Variants in KAT6A observed in about 807,000 individuals in gnomAD.
KAT6A encodes histone acetyltransferase KAT6A.
KAT6A carries 9 observed loss-of-function variants against 198.4 expected under a neutral mutation model. That is an observed-to-expected ratio of 0.05 (90% CI 0.03 to 0.08). KAT6A has a LOEUF of 0.08. Ranked by LOEUF, KAT6A falls within the 10% of genes least tolerant of loss-of-function variation. The pLI, the probability that KAT6A is intolerant of heterozygous loss-of-function variation, is 1.00. For synonymous variants in KAT6A, 890 were observed against 883.0 expected (o/e 1.01, Z -0.14); for missense variants, 2,077 against 2,509.9 (o/e 0.83, Z 3.69).
intron 3 of KAT6A, among the ~76,000 whole-genome samples, chr8:41,983,452 A>T (rs1463957150): frequency 6.6e-6 from 1 of 152,214 alleles, no homozygotes; most frequent in Non-Finnish European, 1.5e-5. Context: ...ATTTTAGCAA[A>T]CATACAGTTT....
intron 2 of KAT6A, among the ~76,000 whole-genome samples, chr8:42,013,474 C>G (rs546026838): frequency 3.3e-5 from 5 of 152,226 alleles, no homozygotes; most frequent in African/African-American, 1.2e-4. Context: ...ACCTCATGAT[C>G]CACCCGCCTT....
At chr8:41,960,261 A>C (rs1823138325) in intron 8 of KAT6A, among the ~76,000 whole-genome samples, 1 of 152,112 alleles carries the variant, frequency 6.6e-6, no homozygotes, top group Non-Finnish European at 1.5e-5. Flanking sequence ...AATGTCTTTA[A>C]TGCCACTGAA....
chr8:42,000,181 C>A (rs1372207892), intron 2 of KAT6A, among the ~76,000 whole-genome samples: 3 of 152,118 alleles, frequency 2.0e-5, no homozygotes, highest in African/African-American at 7.2e-5. Flanking sequence ...GCATATTACC[C>A]ACTTAAAAAA....
At chr8:41,972,172 G>C (rs1823824851) in intron 8 of KAT6A, among the ~76,000 whole-genome samples, 1 of 151,482 alleles carries the variant, frequency 6.6e-6, no homozygotes, top group South Asian at 2.1e-4. Flanking sequence ...AATAATCTAT[G>C]AGTTTAAACA....
chr8:42,037,445 A>C (rs140974853), intron 2 of KAT6A, among the ~76,000 whole-genome samples: 3,071 of 152,302 alleles, frequency 0.02, 39 homozygotes, highest in Non-Finnish European at 0.032. Context: ...GGTTCTAGAA[A>C]ACTCAGGAGT....
chr8:41,948,421 G>A (rs934785089), intron 10 of KAT6A, among the ~76,000 whole-genome samples: 4 of 152,124 alleles, frequency 2.6e-5, no homozygotes, highest in Admixed American at 6.5e-5. Context: ...CTATTGCCAC[G>A]CAGAAGCACC....
intron 8 of KAT6A, among the ~76,000 whole-genome samples, chr8:41,960,105 T>A (rs1823121883): frequency 7.7e-6 from 1 of 129,380 alleles, no homozygotes; most frequent in African/African-American, 3.0e-5. Context: ...GTAGACAAAT[T>A]AATAAAGGCA....
rs779315883 is a variant in KAT6A at position 41,940,898 on chromosome 8, C to T, written c.2983G>A (p.Glu995Lys). The T allele has an allele frequency of 9.3e-5, 150 of 1,613,868 alleles. 2 individuals carry two copies. Among genetic ancestry groups the T allele is most frequent in the South Asian group, 2.0e-4 (18 of 91,086 alleles). The change falls in exon 15 of 17, where the codon GAA (glutamate) becomes AAA (lysine). Residue 995 changes from glutamate to lysine, a missense_variant. Physicochemically the swap from Glu to Lys is moderately conservative, Grantham distance 56 (BLOSUM62 1). This residue lies in a region of KAT6A where 301 missense variants were observed against 272.2 expected (regional missense o/e 1.11). Transcript: ENST00000265713. ...GGTGGCGAGCTTGACCGAGGGCTTT[C>T]CGGCTCCTCCTCCTCCTCGCTGCTC... ...SESSEEEEEP[E>K]SPRSSSPPIL... is the part of the protein sequence containing the mutation.
intron 8 of KAT6A, among the ~76,000 whole-genome samples, chr8:41,958,530 A>T (rs996564633): frequency 5.9e-5 from 9 of 152,226 alleles, no homozygotes; most frequent in Non-Finnish European, 1.3e-4. Context: ...GTAAGTTTTT[A>T]AAAACGGGAA....
In KAT6A at chr8:41,978,709, G is replaced by C. The variant is rs539999211; in HGVS notation, c.976C>G (p.Gln326Glu). The C allele has an allele frequency of 6.2e-7, 1 of 1,613,892 alleles. No homozygotes were observed. Among genetic ancestry groups the C allele is most frequent in the East Asian group, 2.2e-5 (1 of 44,864 alleles). Residue 326 changes from glutamine (Q) to glutamate (E), a missense_variant, in exon 6 of 17, where the codon CAG (glutamine) becomes GAG (glutamate). Coordinates refer to ENST00000265713, the MANE Select transcript of KAT6A (RefSeq NM_006766.5). ...GRKLLQKKAAQIKRRYTNPIG... is the reference protein window; with the variant it reads ...GRKLLQKKAAEIKRRYTNPIG... ...GGATTAGTATAGCGCCGTTTTATCTGTGCTGCCTTCTTTTGTAGAAGTTTT... is the reference window on the plus strand; with the variant it reads ...GGATTAGTATAGCGCCGTTTTATCTCTGCTGCCTTCTTTTGTAGAAGTTTT...
intron 2 of KAT6A, among the ~76,000 whole-genome samples, chr8:42,026,202 T>C (rs1210234963): frequency 6.6e-6 from 1 of 152,242 alleles, no homozygotes; most frequent in Non-Finnish European, 1.5e-5. Flanking sequence ...AGTCAAGTAG[T>C]GTGATGCCCC....
intron 16 of KAT6A, among the ~76,000 whole-genome samples, chr8:41,936,072 G>A (rs1821838635): frequency 6.6e-6 from 1 of 152,042 alleles, no homozygotes; most frequent in Non-Finnish European, 1.5e-5. Flanking sequence ...GACCAGCCTG[G>A]CCAACATGGT....
In KAT6A at chr8:41,933,858, C is replaced by A. The variant is rs1821697004; in HGVS notation, c.4362G>T (p.Gln1454His). ...QDCEETLAAC[Q>H]TLQSYTQADE... ...CAGCCTGGGTGTAACTCTGCAGGGT[C>A]TGACACGCCGCAAGAGTTTCCTCAC... Residue 1454 changes from glutamine (Q) to histidine (H), a missense_variant, in exon 17 of 17, where the codon CAG (glutamine) becomes CAT (histidine). Transcript: ENST00000265713. This position sits in a 1 kb window ranked among gnomAD's most constrained non-coding sequence, Gnocchi z 6.2. 1 of 1,614,032 alleles carries A rather than the reference C, an allele frequency of 6.2e-7. No individual in the cohort carries two copies. The highest frequency in any genetic ancestry group is 1.7e-5 in the Admixed American group (1 of 60,014).
intron 2 of KAT6A, among the ~76,000 whole-genome samples, chr8:41,996,464 CCTACCATAGATTTAAATA>C (rs1310488355): frequency 1.3e-5 from 2 of 152,178 alleles, no homozygotes; most frequent in Non-Finnish European, 2.9e-5. Flanking sequence ...ATGAGCACAT[CCTACCATAGATTTAAATA>C]CAAAACATCT....
At chr8:41,952,179 AT>A (rs1822700240) in intron 9 of KAT6A, among the ~76,000 whole-genome samples, 1 of 152,224 alleles carries the variant, frequency 6.6e-6, no homozygotes, top group Non-Finnish European at 1.5e-5. Flanking sequence ...TAGGGATTCT[AT>A]TTGGTTTCTT....
intron 2 of KAT6A, among the ~76,000 whole-genome samples, chr8:42,044,353 G>T (rs182427853): frequency 6.6e-6 from 1 of 151,738 alleles, no homozygotes; most frequent in African/African-American, 2.4e-5. Flanking sequence ...CCCCCCCCTC[G>T]GCATCCCAAA....
chr8:41,939,017 C>T (rs1437843359), intron 15 of KAT6A, among the ~76,000 whole-genome samples: 1 of 147,586 alleles, frequency 6.8e-6, no homozygotes, highest in Non-Finnish European at 1.5e-5. Flanking sequence ...GAAGGAGCTT[C>T]TAATGGTCAA....
rs1216899512 is a variant in KAT6A at position 41,932,222 on chromosome 8, G to A, written c.5998C>T (p.Pro2000Ser). The A allele has an allele frequency of 6.2e-7, 1 of 1,602,838 alleles. No individual in the cohort carries two copies. Among genetic ancestry groups the A allele is most frequent in the East Asian group, 2.2e-5 (1 of 44,732 alleles). ...AGVPKQSLNGPYMRR is the reference protein window; with the variant it reads ...AGVPKQSLNGSYMRR ...CATCTTGCTCATCTTCTCATGTAAGGTCCGTTGAGTGACTGCTTGGGCACG... is the reference window on the plus strand; with the variant it reads ...CATCTTGCTCATCTTCTCATGTAAGATCCGTTGAGTGACTGCTTGGGCACG... The change falls in exon 17 of 17, where the codon CCT becomes TCT. Residue 2000 changes from proline to serine, a missense_variant. By Grantham distance (74) the Pro-to-Ser change is moderately conservative. This residue lies in a region of KAT6A where 500 missense variants were observed against 577.2 expected (regional missense o/e 0.87). Coordinates refer to ENST00000265713, the MANE Select transcript of KAT6A (RefSeq NM_006766.5).
At chr8:41,979,216 C>T (rs925156497) in intron 5 of KAT6A, among the ~76,000 whole-genome samples, 14 of 152,080 alleles carry the variant, frequency 9.2e-5, no homozygotes, top group Admixed American at 2.6e-4. Context: ...TGCAGTGAGC[C>T]GAGATTGCAC....
Sources: gnomAD v4.1 joint callset for allele counts (sites outside exome capture counted in the v4.1 genomes callset) on GRCh38, gnomAD v4.1.1 for gene constraint, gnomAD v4.1.1 regional missense constraint, Gnocchi (gnomAD v3.1) non-coding constraint, MANE v1.5 for transcripts, NCBI Gene and HGNC (gene_info 2026-07-23, HGNC 2026-07-21) for gene names.